CXXC5: variants seen among roughly 807,000 people sequenced by gnomAD.
CXXC5 encodes CXXC-type zinc finger protein 5.
Under a neutral mutation model 17.6 loss-of-function variants are expected in CXXC5, and 2 were observed. The ratio of observed to expected loss-of-function variants is 0.11; its 90% confidence interval spans 0.05 to 0.36. The LOEUF is 0.36. Among genes scored for constraint, CXXC5 ranks in the 10% least tolerant of loss-of-function variants. CXXC5 has a pLI of 1.00. For missense variants in CXXC5, 343 were observed against 458.3 expected (o/e 0.75, Z 2.30); for synonymous variants, 171 against 193.0 (o/e 0.89, Z 0.94).
chr5:139,672,138 A>G (rs1443973188), intron 1 of CXXC5, among the ~76,000 whole-genome samples: 5 of 151,900 alleles, frequency 3.3e-5, no homozygotes, highest in African/African-American at 9.7e-5. Context: ...TTGTTTTGAG[A>G]TGGAGTTTTG....
chr5:139,672,673 C>G (rs1756551016), intron 1 of CXXC5, among the ~76,000 whole-genome samples: 1 of 152,198 alleles, frequency 6.6e-6, no homozygotes, highest in Admixed American at 6.5e-5. Flanking sequence ...GTATCTCTAC[C>G]TCCTTCCCCA....
At chr5:139,653,463 G>T (rs969672294) in intron 1 of CXXC5, among the ~76,000 whole-genome samples, 3 of 152,166 alleles carry the variant, frequency 2.0e-5, no homozygotes, top group African/African-American at 7.2e-5. Flanking sequence ...GCACATGTAT[G>T]AACGGAGCCT....
chr5:139,650,097 C>A (rs1310750213), intron 1 of CXXC5, among the ~76,000 whole-genome samples: 1 of 152,198 alleles, frequency 6.6e-6, no homozygotes, highest in Non-Finnish European at 1.5e-5. Flanking sequence ...TTTTCCCCCC[C>A]GGGAATCTGA....
Position 139,680,438 on chromosome 5 carries a change from G to T in CXXC5, c.-86G>T, listed in dbSNP as rs528889866. 9 of 1,471,328 alleles carry T rather than the reference G, an allele frequency of 6.1e-6. No individual in the cohort carries two copies. In the East Asian group the frequency reaches 1.2e-4, roughly 20 times the overall value. The allele number at this position is 1,471,328 out of a possible 1,614,324, so 91.1% of individuals were successfully genotyped here. ...GCGAGGCCCACCAGGCATCTCTGTT[G>T]TGGGCAGCAGGGCCAGGTCCTGGTC... On this transcript the variant is annotated 5_prime_UTR_variant, in exon 2 of 3. Coordinates refer to ENST00000302517, the MANE Select transcript of CXXC5 (RefSeq NM_016463.9).
rs1755935003 is a variant in CXXC5 at position 139,663,545 on chromosome 5, T to G, written c.-161+14700T>G. On this transcript the variant is annotated intron_variant, in intron 1 of 2. Transcript: ENST00000302517. The surrounding 1 kb of genome is among the most constrained non-coding windows in gnomAD (Gnocchi z 4.2). Reference sequence around the variant, plus strand: ...GCTACCCTCGTTGTAACCTTCAGGCTTCTACCACATGTCCATCCCCCCATG... The same window carrying G: ...GCTACCCTCGTTGTAACCTTCAGGCGTCTACCACATGTCCATCCCCCCATG... Among the ~76,000 whole-genome samples the G allele has an allele frequency of 6.6e-6, 1 of 152,158 alleles. No individual in the cohort carries two copies. The highest frequency in any genetic ancestry group is 2.4e-5 in the African/African-American group (1 of 41,400).
At chr5:139,654,905 G>A (rs1755404556) in intron 1 of CXXC5, among the ~76,000 whole-genome samples, 1 of 152,168 alleles carries the variant, frequency 6.6e-6, no homozygotes, top group African/African-American at 2.4e-5. Flanking sequence ...TAGCGTGGGA[G>A]GGCTGGGGGG....
At chr5:139,665,971 G>T (rs758828485) in intron 1 of CXXC5, among the ~76,000 whole-genome samples, 11 of 152,222 alleles carry the variant, frequency 7.2e-5, no homozygotes, top group Non-Finnish European at 1.3e-4. Flanking sequence ...AGTGTCTCAA[G>T]TGCCCCCAAC....
At position 139,648,380 on chromosome 5, in the gene CXXC5, G is replaced by T. The variant is rs530275543; in HGVS notation, c.-626G>T. On this transcript the variant is annotated 5_prime_UTR_variant, in exon 1 of 3. Transcript: ENST00000302517. ...GGCAGAGGCGGCTGAGCCTGAGCGGGGATGTAGAGGCGGCGGCAGCAGAGG... is the reference window on the plus strand; with the variant it reads ...GGCAGAGGCGGCTGAGCCTGAGCGGTGATGTAGAGGCGGCGGCAGCAGAGG... 813 of 158,014 alleles carry T rather than the reference G, an allele frequency of 5.1e-3. 3 individuals are homozygous for T. Among genetic ancestry groups the T allele is most frequent in the Non-Finnish European group, 4.9e-3 (355 of 72,316 alleles). 9.8% of individuals were successfully genotyped at this position (158,014 alleles called of 1,614,324 possible). A position where few individuals can be genotyped will look rare whatever the true frequency, so the allele number is the denominator to read the frequency against.
Position 139,663,824 on chromosome 5 carries a change from C to G in CXXC5, c.-161+14979C>G, listed in dbSNP as rs530113930. Among the ~76,000 whole-genome samples, 188 of 152,338 alleles carry G rather than the reference C, an allele frequency of 1.2e-3. No homozygotes were observed. The highest frequency in any genetic ancestry group is 3.4e-3 in the Middle Eastern group (1 of 294). ...GCTACACTGACCCCTTCACATAGGT[C>G]CTCTCCAGGACCTGACGAGGTGGGG... On this transcript the variant is annotated intron_variant, in intron 1 of 2. Transcript: ENST00000302517. The surrounding 1 kb of genome is among the most constrained non-coding windows in gnomAD (Gnocchi z 4.2).
In CXXC5 at chr5:139,670,259, T is replaced by G. The variant is rs933337478; in HGVS notation, c.-160-10105T>G. ...GGTCTGGGGGCTTTTGTTTTCCAGTTTTTTCCACGCTCAGGCCAGGCAGGC... is the reference window on the plus strand; with the variant it reads ...GGTCTGGGGGCTTTTGTTTTCCAGTGTTTTCCACGCTCAGGCCAGGCAGGC... On this transcript the variant is annotated intron_variant, in intron 1 of 2. Transcript: ENST00000302517. The surrounding 1 kb of genome is among the most constrained non-coding windows in gnomAD (Gnocchi z 4.2). 1.3e-4 allele frequency among the ~76,000 whole-genome samples: 20 copies of G among 152,186 alleles called. No homozygotes were observed. The highest frequency in any genetic ancestry group is 2.6e-4 in the Non-Finnish European group (18 of 68,026).
intron 1 of CXXC5, among the ~76,000 whole-genome samples, chr5:139,677,625 T>C (rs957186649): frequency 6.6e-6 from 1 of 152,188 alleles, no homozygotes; most frequent in East Asian, 1.9e-4. Flanking sequence ...TGAAAAACCA[T>C]AGTGTTCTGC....
chr5:139,673,504 G>A (rs534332209), intron 1 of CXXC5, among the ~76,000 whole-genome samples: 2 of 152,150 alleles, frequency 1.3e-5, no homozygotes, highest in Non-Finnish European at 2.9e-5. Flanking sequence ...GTGCATGAAT[G>A]GGCTGATCCC....
In CXXC5 at chr5:139,658,232, T is replaced by C. The variant is rs1755597166; in HGVS notation, c.-161+9387T>C. On this transcript the variant is annotated intron_variant, in intron 1 of 2. Transcript: ENST00000302517. The surrounding 1 kb of genome is among the most constrained non-coding windows in gnomAD (Gnocchi z 4.1). ...GCGGTCAGATCTTGGTGGCCTAGAA[T>C]TTCTTAGTCATGGGAGTCTAGAATC... is the stretch of plus-strand genomic sequence containing the variant. 6.6e-6 allele frequency among the ~76,000 whole-genome samples: 1 copy of C among 152,182 alleles called. No individual in the cohort carries two copies. Among genetic ancestry groups the C allele is most frequent in the South Asian group, 2.1e-4 (1 of 4,822 alleles).
At chr5:139,660,745 C>T (rs1410762035) in intron 1 of CXXC5, among the ~76,000 whole-genome samples, 2 of 147,744 alleles carry the variant, frequency 1.4e-5, no homozygotes, top group Non-Finnish European at 3.0e-5. Flanking sequence ...GGTGGGGGGC[C>T]TATATTTAGT....
intron 1 of CXXC5, among the ~76,000 whole-genome samples, chr5:139,653,167 C>CGTCT (rs1755304008): frequency 6.6e-6 from 1 of 152,202 alleles, no homozygotes; most frequent in African/African-American, 2.4e-5. Flanking sequence ...GCAGCCTCCC[C>CGTCT]GTCTGCCTGC....
intron 1 of CXXC5, among the ~76,000 whole-genome samples, chr5:139,675,006 G>A (rs1017903985): frequency 3.3e-5 from 5 of 152,050 alleles, no homozygotes; most frequent in Non-Finnish European, 7.4e-5. Flanking sequence ...CAAACTAGCA[G>A]TCCCTTCCTC....
Position 139,674,391 on chromosome 5 carries a change from G to C in CXXC5, c.-160-5973G>C, listed in dbSNP as rs563374056. The stretch of plus-strand genomic sequence containing the variant: ...GCCAAGGAGACCGGCCCACCAAGGT[G>C]GGGGGGAGGAGACAAGGGCCGGGAT... On this transcript the variant is annotated intron_variant, in intron 1 of 2. Transcript: ENST00000302517. Among the ~76,000 whole-genome samples the C allele has an allele frequency of 2.0e-4, 30 of 152,190 alleles. No homozygotes were observed. In the South Asian group the frequency reaches 3.7e-3, roughly 19 times the overall value.
At chr5:139,681,741 G>C (rs573710073) in intron 2 of CXXC5, among the ~76,000 whole-genome samples, 1 of 152,362 alleles carries the variant, frequency 6.6e-6, no homozygotes, top group South Asian at 2.1e-4. Context: ...CCTGGGTTCT[G>C]GGTCAGGTAT....
chr5:139,654,635 G>A (rs1561532964), intron 1 of CXXC5, among the ~76,000 whole-genome samples: 2 of 152,196 alleles, frequency 1.3e-5, no homozygotes, highest in South Asian at 2.1e-4. Flanking sequence ...GTGTGTGACC[G>A]TGGGTGCATC....
Sources: allele counts gnomAD v4.1 joint callset (sites outside exome capture counted in the v4.1 genomes callset), GRCh38; gene constraint gnomAD v4.1.1; non-coding constraint Gnocchi (gnomAD v3.1); transcripts MANE v1.5; gene names NCBI Gene and HGNC (gene_info 2026-07-23, HGNC 2026-07-21).